The following PDK1 variants were observed in gnomAD, a reference collection of about 807,000 sequenced individuals.
PDK1 encodes pyruvate dehydrogenase kinase 1, also known as [Pyruvate dehydrogenase (acetyl-transferring)] kinase isozyme 1, mitochondrial.
A neutral mutation model predicts 54.2 loss-of-function variants in PDK1; 39 were observed. That is an observed-to-expected ratio of 0.72 (90% CI 0.56 to 0.94). The LOEUF (loss-of-function observed/expected upper bound fraction) is 0.94. Ranked by LOEUF, PDK1 falls within the 40% of genes least tolerant of loss-of-function variation. The pLI is 0.00. For missense variants in PDK1, 552 were observed against 566.0 expected (o/e 0.98, Z 0.25); for synonymous variants, 221 against 207.1 (o/e 1.07, Z -0.58).
chr2:172,696,107 G>C, the PDK1 span, among the ~76,000 whole-genome samples: 3 of 150,802 alleles, frequency 2.0e-5, no homozygotes, highest in African/African-American at 7.3e-5. Flanking sequence ...CAGGAGCAGA[G>C]GTTGCAGTGA....
chr2:172,584,640 A>G (rs1349047032), intron 8 of PDK1, among the ~76,000 whole-genome samples: 2 of 139,374 alleles, frequency 1.4e-5, no homozygotes, highest in African/African-American at 5.4e-5. Flanking sequence ...TGTGAAAGGT[A>G]CATGCTTTTT....
At chr2:172,622,809 G>GTATATGTTTATTATATGTAATATGA in the PDK1 span, among the ~76,000 whole-genome samples, 1 of 139,202 alleles carries the variant, frequency 7.2e-6, no homozygotes, top group African/African-American at 3.0e-5. Context: ...TATATATTAT[G>GTATATGTTTATTATATGTAATATGA]TATATGTTTA....
the PDK1 span, among the ~76,000 whole-genome samples, chr2:172,685,836 G>A: frequency 1.3e-5 from 2 of 152,140 alleles, no homozygotes; most frequent in African/African-American, 2.4e-5. Context: ...ACAGCTGCAC[G>A]TGGCTATTTT....
intron 9 of PDK1, among the ~76,000 whole-genome samples, chr2:172,591,962 T>C (rs1690612781): frequency 6.6e-6 from 1 of 152,244 alleles, no homozygotes; most frequent in Admixed American, 6.5e-5. Context: ...AGTTTCCTTA[T>C]TACTTACTGA....
intron 8 of PDK1, among the ~76,000 whole-genome samples, chr2:172,583,867 G>C (rs1690062937): frequency 6.6e-6 from 1 of 151,910 alleles, no homozygotes; most frequent in Non-Finnish European, 1.5e-5. Context: ...TAAATTAAAA[G>C]CAGATTTGTT....
the PDK1 span, among the ~76,000 whole-genome samples, chr2:172,709,944 C>A: frequency 6.6e-6 from 1 of 151,544 alleles, no homozygotes; most frequent in Non-Finnish European, 1.5e-5. Flanking sequence ...CCAACAAAGA[C>A]GAAATTGCAG....
chr2:172,694,596 G>C, the PDK1 span, among the ~76,000 whole-genome samples: 6 of 152,186 alleles, frequency 3.9e-5, no homozygotes, highest in African/African-American at 1.2e-4. Flanking sequence ...ATTCCAGTCT[G>C]AGTGAGTGTG....
At chr2:172,592,881 A>G (rs2149294909) in intron 9 of PDK1, 54 bp from the exon 10 acceptor site, 1 of 948,746 alleles carries the variant, frequency 1.1e-6, no homozygotes, top group East Asian at 2.4e-5. Flanking sequence ...TTAATTAGAA[A>G]AGTATTTCAG....
the PDK1 span, among the ~76,000 whole-genome samples, chr2:172,631,831 C>G: frequency 6.6e-6 from 1 of 152,180 alleles, no homozygotes; most frequent in African/African-American, 2.4e-5. Flanking sequence ...CATCCCTTTT[C>G]TATGCAACTC....
At chr2:172,614,073 G>C in the PDK1 span, among the ~76,000 whole-genome samples, 1 of 152,222 alleles carries the variant, frequency 6.6e-6, no homozygotes, top group South Asian at 2.1e-4. Context: ...CCCCTTCCAA[G>C]TTGATGGGGT....
the PDK1 span, among the ~76,000 whole-genome samples, chr2:172,680,010 T>A: frequency 6.6e-6 from 1 of 152,200 alleles, no homozygotes; most frequent in South Asian, 2.1e-4. Flanking sequence ...TCTTCTTAAT[T>A]TGAAACCATT....
chr2:172,640,415 A>G, the PDK1 span, among the ~76,000 whole-genome samples: 2 of 152,122 alleles, frequency 1.3e-5, no homozygotes, highest in Non-Finnish European at 2.9e-5. Flanking sequence ...CTGCCTGAGA[A>G]CTCAGCCTGC....
chr2:172,688,934 C>A, the PDK1 span, among the ~76,000 whole-genome samples: 1 of 152,170 alleles, frequency 6.6e-6, no homozygotes. Flanking sequence ...AAGCCACAGA[C>A]CTTCATGGTG....
Position 172,570,453 on chromosome 2 carries a change from T to C in PDK1, c.847-273T>C, listed in dbSNP as rs1574482989. The C allele has an allele frequency of 9.9e-6, 3 of 302,064 alleles. No homozygotes were observed. In the East Asian group the frequency reaches 1.7e-4, roughly 17 times the overall value. The allele number at this position is 302,064 out of a possible 1,614,324, so 18.7% of individuals were successfully genotyped here. On this transcript the variant is annotated intron_variant, in intron 7 of 10. Transcript: ENST00000282077. ...AATTATAAAAGTGTTTGAACAGAGT[T>C]TTCTGCTTTAATGTAACTAGTTAAA...
At chr2:172,592,293 TTCTA>T (rs1690633076) in intron 9 of PDK1, among the ~76,000 whole-genome samples, 1 of 152,172 alleles carries the variant, frequency 6.6e-6, no homozygotes, top group Admixed American at 6.5e-5. Flanking sequence ...TCTTTACTAC[TTCTA>T]TCTCTCTTTC....
chr2:172,679,448 T>TAAC, the PDK1 span, among the ~76,000 whole-genome samples: 22 of 152,086 alleles, frequency 1.4e-4, no homozygotes, highest in Admixed American at 3.3e-4. Context: ...CTCTGTCTCT[T>TAAC]AACAACAACA....
the PDK1 span, among the ~76,000 whole-genome samples, chr2:172,624,298 CTG>C: frequency 0.02 from 3,064 of 152,278 alleles, 92 homozygotes; most frequent in African/African-American, 0.068. Context: ...GGGTACCAGT[CTG>C]TGGCCTGTAA....
chr2:172,574,478 G>A (rs1689470652), intron 8 of PDK1, among the ~76,000 whole-genome samples: 2 of 152,238 alleles, frequency 1.3e-5, no homozygotes, highest in Admixed American at 1.3e-4. Flanking sequence ...CTAGAATTTT[G>A]ATGGGCATCA....
chr2:172,674,803 C>CTGCAGGCTG, the PDK1 span: 1 of 152,282 alleles, frequency 6.6e-6, no homozygotes, highest in East Asian at 1.9e-4. Flanking sequence ...AGCCCTCGGG[C>CTGCAGGCTG]TGCAGGCTGC....
Sources: allele counts gnomAD v4.1 joint callset (sites outside exome capture counted in the v4.1 genomes callset), GRCh38; gene constraint gnomAD v4.1.1; transcripts MANE v1.5; gene names NCBI Gene and HGNC (gene_info 2026-07-23, HGNC 2026-07-21).